Variants in FRMD4B observed in about 807,000 individuals in gnomAD.
FRMD4B encodes FERM domain-containing protein 4B.
A neutral mutation model predicts 141.5 loss-of-function variants in FRMD4B; 74 were observed. The ratio of observed to expected loss-of-function variants is 0.52; its 90% CI spans 0.43 to 0.63. The LOEUF (loss-of-function observed/expected upper bound fraction) is 0.63, where lower values mean the gene tolerates loss of function less well. Ranked by LOEUF, FRMD4B falls within the 30% of genes least tolerant of loss-of-function variation. The pLI, the probability that FRMD4B is intolerant of heterozygous loss-of-function variation, is 0.00. For missense variants in FRMD4B, 1,366 were observed against 1,253.4 expected (o/e 1.09, Z -1.36); for synonymous variants, 506 against 467.9 (o/e 1.08, Z -1.05).
chr3:69,213,570 T>C (rs2107716115), intron 11 of FRMD4B, among the ~76,000 whole-genome samples: 1 of 152,140 alleles, frequency 6.6e-6, no homozygotes, highest in South Asian at 2.1e-4. Flanking sequence ...GTCACAGAGC[T>C]TATAGAATAA....
At chr3:69,515,263 C>T (rs1441328864) in intron 1 of FRMD4B, among the ~76,000 whole-genome samples, 4 of 152,134 alleles carry the variant, frequency 2.6e-5, no homozygotes, top group African/African-American at 9.7e-5. Flanking sequence ...GACATCCACC[C>T]CCATGATCCA....
At chr3:69,328,108 G>A (rs922767309) in intron 1 of FRMD4B, among the ~76,000 whole-genome samples, 14 of 152,338 alleles carry the variant, frequency 9.2e-5, no homozygotes, top group African/African-American at 3.4e-4. Context: ...AGACAGAATG[G>A]TGGTGGAGAG....
chr3:69,270,039 C>T (rs772314735), intron 5 of FRMD4B, among the ~76,000 whole-genome samples: 6 of 151,224 alleles, frequency 4.0e-5, no homozygotes, highest in Non-Finnish European at 7.4e-5. Flanking sequence ...TTTTTAGAGA[C>T]GGGTTCTTGC....
intron 7 of FRMD4B, among the ~76,000 whole-genome samples, chr3:69,240,074 A>C (rs2093370698): frequency 6.6e-6 from 1 of 151,790 alleles, no homozygotes; most frequent in African/African-American, 2.4e-5. Context: ...ACACACACAC[A>C]CACCCAACAT....
Position 69,181,724 on chromosome 3 carries a change from A to C in FRMD4B, c.2040-14T>G. On this transcript the variant is annotated splice_polypyrimidine_tract_variant and intron_variant, in intron 20 of 22. Transcript: ENST00000398540. ...GAAGATTCGGGTCTGAAAGAGGAGA[A>C]AGGCAAACTTCTCAACACCAAGAAG... 1 of 1,557,620 alleles carries C rather than the reference A, an allele frequency of 6.4e-7. No homozygotes were observed. Among genetic ancestry groups the C allele is most frequent in the Non-Finnish European group, 8.8e-7 (1 of 1,138,270 alleles).
intron 1 of FRMD4B, among the ~76,000 whole-genome samples, chr3:69,511,786 A>G (rs1442164680): frequency 3.3e-5 from 5 of 152,142 alleles, no homozygotes; most frequent in Admixed American, 3.3e-4. Flanking sequence ...TGTGGTCTGA[A>G]GGCTCTCCCT....
chr3:69,276,492 T>C (rs150758052), intron 5 of FRMD4B, among the ~76,000 whole-genome samples: 386 of 152,246 alleles, frequency 2.5e-3, no homozygotes, highest in African/African-American at 9.0e-3. Flanking sequence ...CAGGCTGGTC[T>C]CAATCTCCTG....
intron 1 of FRMD4B, among the ~76,000 whole-genome samples, chr3:69,378,113 C>G (rs572654781): frequency 2.6e-5 from 4 of 152,154 alleles, no homozygotes; most frequent in African/African-American, 7.2e-5. Context: ...AGTCACCAAT[C>G]CTACTTCTTT....
intron 1 of FRMD4B, among the ~76,000 whole-genome samples, chr3:69,502,763 G>T (rs1706521170): frequency 6.6e-6 from 1 of 151,032 alleles, no homozygotes; most frequent in South Asian, 2.1e-4. Context: ...CAGAATGGGA[G>T]AAAATTTTCA....
intron 2 of FRMD4B, among the ~76,000 whole-genome samples, chr3:69,397,534 A>T (rs1416606579): frequency 6.6e-6 from 1 of 152,192 alleles, no homozygotes; most frequent in Admixed American, 6.5e-5. Context: ...AAAATAGATA[A>T]CTTTAAAAAA....
At chr3:69,249,455 A>G (rs1220086110) in intron 6 of FRMD4B, among the ~76,000 whole-genome samples, 1 of 152,230 alleles carries the variant, frequency 6.6e-6, no homozygotes, top group Admixed American at 6.5e-5. Flanking sequence ...CTTATTCTTA[A>G]CAAAAGAAAC....
intron 1 of FRMD4B, among the ~76,000 whole-genome samples, chr3:69,538,109 T>C (rs1418012380): frequency 6.6e-6 from 1 of 152,208 alleles, no homozygotes; most frequent in African/African-American, 2.4e-5. Context: ...AACTTGAAAC[T>C]GTGTAAACGA....
At chr3:69,536,047 G>A (rs1701079895) in intron 1 of FRMD4B, 2 of 417,040 alleles carry the variant, frequency 4.8e-6, no homozygotes, top group South Asian at 4.1e-5. Flanking sequence ...TCTGGCTTAG[G>A]GGTGCCTTCC....
chr3:69,267,400 A>G (rs957625470), intron 5 of FRMD4B, among the ~76,000 whole-genome samples: 1 of 152,052 alleles, frequency 6.6e-6, no homozygotes, highest in Non-Finnish European at 1.5e-5. Flanking sequence ...TAGAAACAAC[A>G]TTAGCTATCA....
At chr3:69,493,877 G>A (rs1706343455) in intron 1 of FRMD4B, among the ~76,000 whole-genome samples, 1 of 152,102 alleles carries the variant, frequency 6.6e-6, no homozygotes, top group Admixed American at 6.5e-5. Context: ...TGTTCATCTT[G>A]GGACCCCAAG....
At chr3:69,236,226 TG>T (rs199586028) in intron 7 of FRMD4B, among the ~76,000 whole-genome samples, 9 of 151,084 alleles carry the variant, frequency 6.0e-5, no homozygotes, top group African/African-American at 9.7e-5. Flanking sequence ...GTTATTGTTT[TG>T]GTTTTTTTTT....
At chr3:69,273,160 T>C (rs1024567743) in intron 5 of FRMD4B, among the ~76,000 whole-genome samples, 1 of 152,188 alleles carries the variant, frequency 6.6e-6, no homozygotes, top group African/African-American at 2.4e-5. Flanking sequence ...ACTGGCAGAC[T>C]TGGCTAGAAT....
At chr3:69,254,812 T>A (rs1442727875) in intron 5 of FRMD4B, among the ~76,000 whole-genome samples, 2 of 152,010 alleles carry the variant, frequency 1.3e-5, no homozygotes, top group African/African-American at 4.8e-5. Flanking sequence ...GAGAATTAGC[T>A]CTCAAGAGAT....
intron 2 of FRMD4B, among the ~76,000 whole-genome samples, chr3:69,419,823 C>T (rs1704939437): frequency 6.6e-6 from 1 of 152,132 alleles, no homozygotes; most frequent in Admixed American, 6.6e-5. Flanking sequence ...GACTGAGATA[C>T]AGGAAGAGAT....
Sources: gnomAD v4.1 joint callset for allele counts (sites outside exome capture counted in the v4.1 genomes callset) on GRCh38, gnomAD v4.1.1 for gene constraint, MANE v1.5 for transcripts, NCBI Gene and HGNC (gene_info 2026-07-23, HGNC 2026-07-21) for gene names.